The following GALNT18 variants were observed in gnomAD, a reference collection of about 807,000 sequenced individuals.
The protein encoded by GALNT18 is polypeptide N-acetylgalactosaminyltransferase 18.
A neutral mutation model predicts 69.5 loss-of-function variants in GALNT18; 44 were observed. The ratio of observed to expected loss-of-function variants is 0.63; its 90% CI spans 0.50 to 0.81. The LOEUF is 0.81. Among genes scored for constraint, GALNT18 ranks in the 40% least tolerant of loss-of-function variants. The pLI is 0.00. For synonymous variants in GALNT18, 364 were observed against 318.2 expected (o/e 1.14, Z -1.53); for missense variants, 715 against 810.0 (o/e 0.88, Z 1.42).
chr11:11,578,170 G>T (rs906279452), intron 1 of GALNT18, among the ~76,000 whole-genome samples: 1 of 152,094 alleles, frequency 6.6e-6, no homozygotes, highest in African/African-American at 2.4e-5. Flanking sequence ...TCCCACGAAG[G>T]CTGACAATGT....
intron 6 of GALNT18, among the ~76,000 whole-genome samples, chr11:11,369,148 C>T (rs575320190): frequency 6.6e-6 from 1 of 152,336 alleles, no homozygotes; most frequent in African/African-American, 2.4e-5. Flanking sequence ...TCTCCAGGTT[C>T]CAACTTTGGC....
intron 9 of GALNT18, among the ~76,000 whole-genome samples, chr11:11,294,892 C>T (rs57044303): frequency 2.6e-5 from 4 of 152,126 alleles, no homozygotes; most frequent in Admixed American, 6.5e-5. Flanking sequence ...CCAGTGATTA[C>T]GCCTCAGAAA....
rs188831855 is a variant in GALNT18 at position 11,501,550 on chromosome 11, C to G, written c.236-52614G>C. On this transcript the variant is annotated intron_variant, in intron 1 of 10. Transcript: ENST00000227756. ...CAAACTATTCCAAGACACAATTTGC[C>G]TATATTATGTAATAATGTGTCTTCC... Among the ~76,000 whole-genome samples the G allele has an allele frequency of 7.0e-3, 1,070 of 152,236 alleles. 9 individuals are homozygous for G. The highest frequency in any genetic ancestry group is 0.01 in the Non-Finnish European group (689 of 68,026).
chr11:11,458,396 A>T (rs1855968582), intron 1 of GALNT18, among the ~76,000 whole-genome samples: 1 of 152,156 alleles, frequency 6.6e-6, no homozygotes. Flanking sequence ...CAATTCAATG[A>T]TTTTTTTAAA....
chr11:11,508,748 T>C (rs1857116206), intron 1 of GALNT18, among the ~76,000 whole-genome samples: 2 of 152,222 alleles, frequency 1.3e-5, no homozygotes, highest in Non-Finnish European at 1.5e-5. Flanking sequence ...TAGATGCACT[T>C]ACAGGATAGA....
intron 10 of GALNT18, among the ~76,000 whole-genome samples, chr11:11,279,231 C>T (rs1008643130): frequency 6.6e-6 from 1 of 152,170 alleles, no homozygotes; most frequent in African/African-American, 2.4e-5. Context: ...GCTTCCTGTA[C>T]AGCCTGAAGA....
In GALNT18 at chr11:11,314,846, C is replaced by T. The variant is rs1274383403; in HGVS notation, c.1512+12240G>A. Among the ~76,000 whole-genome samples the T allele has an allele frequency of 6.6e-6, 1 of 152,162 alleles. No individual in the cohort carries two copies. Among genetic ancestry groups the T allele is most frequent in the Non-Finnish European group, 1.5e-5 (1 of 68,034 alleles). ...AGCCTTCGCCGTGGGAGCAGTTGCT[C>T]CTGGCTGTGACATAGTAAAACCTAC... On this transcript the variant is annotated intron_variant, in intron 9 of 10. Transcript: ENST00000227756. The surrounding 1 kb of genome is among the most constrained non-coding windows in gnomAD (Gnocchi z 5.2).
intron 4 of GALNT18, among the ~76,000 whole-genome samples, chr11:11,378,596 C>T (rs1163179902): frequency 6.6e-6 from 1 of 152,220 alleles, no homozygotes; most frequent in East Asian, 1.9e-4. Context: ...AGATTACGTG[C>T]TACCTCCAAT....
rs1859619655 is a variant in GALNT18 at position 11,600,980 on chromosome 11, C to T, written c.235+20379G>A. On this transcript the variant is annotated intron_variant, in intron 1 of 10. Transcript: ENST00000227756. The surrounding 1 kb of genome is among the most constrained non-coding windows in gnomAD (Gnocchi z 4.8). ...AAACATTTCAAGTCCCAAATTTCCA[C>T]TTAACTATTTTCATAACTTATATCT... 6.8e-6 allele frequency among the ~76,000 whole-genome samples: 1 copy of T among 147,292 alleles called. No individual in the cohort carries two copies. The highest frequency in any genetic ancestry group is 2.5e-5 in the African/African-American group (1 of 39,760).
chr11:11,294,082 A>T, intron 9 of GALNT18, among the ~76,000 whole-genome samples: 1 of 152,108 alleles, frequency 6.6e-6, no homozygotes, highest in Non-Finnish European at 1.5e-5. Flanking sequence ...AGGACTCAGC[A>T]CATAGCTGTA....
At chr11:11,438,907 C>T (rs866247416) in intron 2 of GALNT18, among the ~76,000 whole-genome samples, 5 of 152,298 alleles carry the variant, frequency 3.3e-5, no homozygotes, top group African/African-American at 4.8e-5. Flanking sequence ...TGTACAATCC[C>T]GGTGACTCCT....
At chr11:11,561,798 A>T (rs1858514896) in intron 1 of GALNT18, among the ~76,000 whole-genome samples, 2 of 152,198 alleles carry the variant, frequency 1.3e-5, no homozygotes, top group Non-Finnish European at 2.9e-5. Flanking sequence ...CAGAGCCAAC[A>T]AGGGGCAGGC....
rs957729192 is a variant in GALNT18, at chr11:11,591,255, CATT to C, written c.235+30101_235+30103del. 7.2e-5 allele frequency among the ~76,000 whole-genome samples: 11 copies of C among 152,036 alleles called. No individual in the cohort carries two copies. Among genetic ancestry groups the C allele is most frequent in the African/African-American group, 1.9e-4 (8 of 41,380 alleles). On this transcript the variant is annotated intron_variant, in intron 1 of 10. Transcript: ENST00000227756. The surrounding 1 kb of genome is among the most constrained non-coding windows in gnomAD (Gnocchi z 4.8). ...TTAAAAGCTAAGACACACATACACA[CATT>C]ATTAGGCAATATTATCGTTGTGCAA...
intron 1 of GALNT18, among the ~76,000 whole-genome samples, chr11:11,558,904 C>T (rs1413034414): frequency 6.6e-6 from 1 of 152,190 alleles, no homozygotes; most frequent in East Asian, 1.9e-4. Context: ...CCACTTCTCA[C>T]CTCTAGTCCA....
intron 1 of GALNT18, among the ~76,000 whole-genome samples, chr11:11,550,710 G>A (rs1483476278): frequency 6.6e-6 from 1 of 152,208 alleles, no homozygotes; most frequent in East Asian, 1.9e-4. Context: ...AATGGAAATG[G>A]TCTAGATCTG....
intron 10 of GALNT18, among the ~76,000 whole-genome samples, chr11:11,286,492 CT>C (rs58774538): frequency 0.12 from 17,635 of 150,624 alleles, 1,278 homozygotes; most frequent in East Asian, 0.22. Context: ...TGTTAGATGA[CT>C]TTTTTTTTTC....
In GALNT18 at chr11:11,596,498, G is replaced by A. The variant is rs1859503994; in HGVS notation, c.235+24861C>T. Among the ~76,000 whole-genome samples, 1 of 152,114 alleles carries A rather than the reference G, an allele frequency of 6.6e-6. No individual in the cohort carries two copies. Among genetic ancestry groups the A allele is most frequent in the Non-Finnish European group, 1.5e-5 (1 of 68,006 alleles). On this transcript the variant is annotated intron_variant, in intron 1 of 10. Coordinates refer to ENST00000227756, the MANE Select transcript of GALNT18 (RefSeq NM_198516.3). This position sits in a 1 kb window ranked among gnomAD's most constrained non-coding sequence, Gnocchi z 4.2. ...ATTAAGTCTTGCAGTCCATGAACAT[G>A]AGATGTCTTCCCATTTATTTAGGTC...
chr11:11,534,649 C>G (rs1278601593), intron 1 of GALNT18, among the ~76,000 whole-genome samples: 2 of 152,252 alleles, frequency 1.3e-5, no homozygotes, highest in African/African-American at 4.8e-5. Flanking sequence ...TTCTATGTGA[C>G]TTGAAAACTT....
In GALNT18 at chr11:11,584,951, T is replaced by G. The variant is rs1859176605; in HGVS notation, c.235+36408A>C. On this transcript the variant is annotated intron_variant, in intron 1 of 10. Transcript: ENST00000227756. This position sits in a 1 kb window ranked among gnomAD's most constrained non-coding sequence, Gnocchi z 4.1. ...AGGAAAATTTATAATTATGGAAAAC[T>G]TGCCTCCACCACTATGAGCTTGACG... Among the ~76,000 whole-genome samples, 1 of 152,182 alleles carries G rather than the reference T, an allele frequency of 6.6e-6. No homozygotes were observed. The highest frequency in any genetic ancestry group is 1.5e-5 in the Non-Finnish European group (1 of 68,040).
Sources: gnomAD v4.1 joint callset for allele counts (sites outside exome capture counted in the v4.1 genomes callset) on GRCh38, gnomAD v4.1.1 for gene constraint, Gnocchi (gnomAD v3.1) non-coding constraint, MANE v1.5 for transcripts, NCBI Gene and HGNC (gene_info 2026-07-23, HGNC 2026-07-21) for gene names.